Variants in MEOX2 observed in about 807,000 individuals in gnomAD.
MEOX2 encodes the protein mesenchyme homeobox 2.
A neutral mutation model predicts 27.0 loss-of-function variants in MEOX2; 11 were observed. The ratio of observed to expected loss-of-function variants is 0.41; its 90% CI spans 0.26 to 0.68. The LOEUF (loss-of-function observed/expected upper bound fraction) is 0.68. MEOX2 is among the 30% of genes least tolerant of loss of function. The pLI, the probability that MEOX2 is intolerant of heterozygous loss-of-function variation, is 0.33. For missense variants in MEOX2, 436 were observed against 385.4 expected (o/e 1.13, Z -1.10); for synonymous variants, 189 against 155.4 (o/e 1.22, Z -1.61).
intron 2 of MEOX2, among the ~76,000 whole-genome samples, chr7:15,618,183 T>C (rs1202299438): frequency 1.4e-4 from 21 of 152,064 alleles, no homozygotes; most frequent in African/African-American, 4.8e-4. Flanking sequence ...GAATGGCTTC[T>C]TTCACCATAT....
chr7:15,645,407 C>T (rs1417545086), intron 1 of MEOX2, among the ~76,000 whole-genome samples: 1 of 152,018 alleles, frequency 6.6e-6, no homozygotes, highest in South Asian at 2.1e-4. Context: ...CAAGGAGAAA[C>T]CAAACACCCT....
chr7:15,625,310 G>A (rs1384595986), intron 2 of MEOX2, among the ~76,000 whole-genome samples: 1 of 152,140 alleles, frequency 6.6e-6, no homozygotes, highest in African/African-American at 2.4e-5. Flanking sequence ...TTTCCAGCAT[G>A]CCAAATGTTG....
intron 1 of MEOX2, among the ~76,000 whole-genome samples, chr7:15,628,409 A>T (rs1160888789): frequency 1.3e-5 from 2 of 152,096 alleles, no homozygotes; most frequent in Non-Finnish European, 2.9e-5. Flanking sequence ...ACACCTTGGC[A>T]CACTGACCAT....
At chr7:15,660,186 G>C (rs1383077143) in intron 1 of MEOX2, among the ~76,000 whole-genome samples, 1 of 152,072 alleles carries the variant, frequency 6.6e-6, no homozygotes, top group African/African-American at 2.4e-5. Flanking sequence ...GAAATAGCAA[G>C]AACACAATCT....
At chr7:15,623,360 C>T (rs755797173) in intron 2 of MEOX2, among the ~76,000 whole-genome samples, 62 of 152,140 alleles carry the variant, frequency 4.1e-4, no homozygotes, top group Non-Finnish European at 7.4e-4. Flanking sequence ...AAAATAGACA[C>T]ATAATTTAAG....
intron 1 of MEOX2, among the ~76,000 whole-genome samples, chr7:15,652,644 C>G (rs1781750504): frequency 6.6e-6 from 1 of 151,934 alleles, no homozygotes; most frequent in East Asian, 1.9e-4. Flanking sequence ...GTTGTTGATT[C>G]ACATGCAATC....
chr7:15,614,351 T>A (rs1781087945), intron 2 of MEOX2, among the ~76,000 whole-genome samples: 1 of 152,038 alleles, frequency 6.6e-6, no homozygotes, highest in African/African-American at 2.4e-5. Flanking sequence ...GTGGTTGAGG[T>A]TGCAGTCAGT....
chr7:15,671,437 C>T (rs1229348214), intron 1 of MEOX2, among the ~76,000 whole-genome samples: 1 of 152,148 alleles, frequency 6.6e-6, no homozygotes, highest in Non-Finnish European at 1.5e-5. Context: ...TACTTCCTTA[C>T]AGAAATAAAT....
At chr7:15,619,483 A>T (rs1781181938) in intron 2 of MEOX2, among the ~76,000 whole-genome samples, 1 of 152,022 alleles carries the variant, frequency 6.6e-6, no homozygotes, top group South Asian at 2.1e-4. Context: ...TCCTGGGAAG[A>T]ATTATCTTTA....
chr7:15,614,264 T>TAAAATAAAA (rs1264159129), intron 2 of MEOX2, among the ~76,000 whole-genome samples: 1 of 140,524 alleles, frequency 7.1e-6, no homozygotes, highest in Non-Finnish European at 1.5e-5. Flanking sequence ...TAAAATAAAA[T>TAAAATAAAA]TAGGTGGGTG....
chr7:15,661,535 A>G (rs1479634021), intron 1 of MEOX2, among the ~76,000 whole-genome samples: 2 of 152,218 alleles, frequency 1.3e-5, no homozygotes, highest in African/African-American at 4.8e-5. Context: ...GAGGGACTCA[A>G]TATGCACTTT....
intron 2 of MEOX2, among the ~76,000 whole-genome samples, chr7:15,624,221 G>T (rs1227231234): frequency 6.6e-6 from 1 of 152,094 alleles, no homozygotes; most frequent in African/African-American, 2.4e-5. Context: ...CCTTAGTTTT[G>T]ATTAGGAATT....
intron 1 of MEOX2, among the ~76,000 whole-genome samples, chr7:15,630,698 A>T (rs925492096): frequency 6.6e-6 from 1 of 151,982 alleles, no homozygotes; most frequent in African/African-American, 2.4e-5. Flanking sequence ...TTATTAACAA[A>T]ACTGCACAAA....
intron 1 of MEOX2, among the ~76,000 whole-genome samples, chr7:15,685,404 T>G (rs76269957): frequency 6.6e-6 from 1 of 152,002 alleles, no homozygotes; most frequent in African/African-American, 2.4e-5. Flanking sequence ...CCAAGTTCCA[T>G]TGCAAGTTCC....
chr7:15,644,045 C>A (rs1781604403), intron 1 of MEOX2, among the ~76,000 whole-genome samples: 1 of 152,200 alleles, frequency 6.6e-6, no homozygotes, highest in Non-Finnish European at 1.5e-5. Context: ...TAAGATGCAT[C>A]TTGCTCCCCT....
At chr7:15,665,425 AC>A (rs1330514935) in intron 1 of MEOX2, among the ~76,000 whole-genome samples, 4 of 152,124 alleles carry the variant, frequency 2.6e-5, no homozygotes, top group African/African-American at 7.2e-5. Context: ...ATACAAGAAA[AC>A]CCTGAAACTC....
Position 15,683,980 on chromosome 7 carries a change from G to A in MEOX2, c.517+1906C>T, listed in dbSNP as rs113778338. Among the ~76,000 whole-genome samples the A allele has an allele frequency of 1.6e-3, 251 of 152,128 alleles. 2 individuals are homozygous for A. The highest frequency in any genetic ancestry group is 0.01 in the Middle Eastern group (3 of 292). On this transcript the variant is annotated intron_variant, in intron 1 of 2. Transcript: ENST00000262041. Reference sequence around the variant, plus strand: ...TGGTTATTTCCCACTAAGTTGGGGGGGAGAGATAAATTAGTTTTGTTAAAT... The same window carrying A: ...TGGTTATTTCCCACTAAGTTGGGGGAGAGAGATAAATTAGTTTTGTTAAAT...
At chr7:15,680,636 A>T (rs1026613632) in intron 1 of MEOX2, 14 of 151,918 alleles carry the variant, frequency 9.2e-5, no homozygotes, top group Non-Finnish European at 1.3e-4. Flanking sequence ...TCATGAGAGC[A>T]TCCTAAGGAA....
intron 1 of MEOX2, among the ~76,000 whole-genome samples, chr7:15,675,046 C>A (rs989955473): frequency 2.6e-5 from 4 of 151,946 alleles, no homozygotes; most frequent in Admixed American, 1.3e-4. Context: ...AAGGCAAATA[C>A]AATATAGGTA....
Sources: allele counts gnomAD v4.1 joint callset (sites outside exome capture counted in the v4.1 genomes callset), GRCh38; gene constraint gnomAD v4.1.1; transcripts MANE v1.5; gene names NCBI Gene and HGNC (gene_info 2026-07-23, HGNC 2026-07-21).